SAMD12: variants seen among roughly 807,000 people sequenced by gnomAD.
SAMD12 encodes sterile alpha motif domain-containing protein 12.
SAMD12 carries 9 observed loss-of-function variants against 15.0 expected under a neutral mutation model. The ratio of observed to expected loss-of-function variants is 0.60; its 90% confidence interval spans 0.36 to 1.05. SAMD12 has a LOEUF of 1.05. Ranked by LOEUF, SAMD12 falls within the 50% of genes least tolerant of loss-of-function variation. The pLI is 0.01. For synonymous variants in SAMD12, 86 were observed against 90.1 expected (o/e 0.96, Z 0.25); for missense variants, 230 against 234.2 (o/e 0.98, Z 0.12).
chr8:118,554,204 A>C (rs544913341), intron 2 of SAMD12, among the ~76,000 whole-genome samples: 1 of 152,198 alleles, frequency 6.6e-6, no homozygotes, highest in African/African-American at 2.4e-5. Flanking sequence ...AAGGCCTATA[A>C]ATCAGGCTGC....
At chr8:118,369,166 G>T (rs144126669) in intron 4 of SAMD12, among the ~76,000 whole-genome samples, 172 of 152,310 alleles carry the variant, frequency 1.1e-3, no homozygotes, top group Non-Finnish European at 1.8e-3. Flanking sequence ...AGTATTATTA[G>T]TCTGAACAAA....
chr8:118,559,219 C>A (rs763023471), intron 2 of SAMD12, among the ~76,000 whole-genome samples: 6 of 151,998 alleles, frequency 3.9e-5, no homozygotes, highest in Admixed American at 6.6e-5. Flanking sequence ...TTTTTTCCCC[C>A]CTACCTAGAA....
chr8:118,308,991 T>TTTA (rs905074180), intron 4 of SAMD12, among the ~76,000 whole-genome samples: 1 of 152,026 alleles, frequency 6.6e-6, no homozygotes, highest in East Asian at 1.9e-4. Flanking sequence ...TCCTAAATCT[T>TTTA]TTATTATTAT....
chr8:118,595,095 C>T (rs967737283), intron 1 of SAMD12, among the ~76,000 whole-genome samples: 1 of 152,118 alleles, frequency 6.6e-6, no homozygotes, highest in Non-Finnish European at 1.5e-5. Flanking sequence ...AACACATATC[C>T]CATATCCCTC....
At chr8:118,557,240 T>A (rs1314618671) in intron 2 of SAMD12, among the ~76,000 whole-genome samples, 1 of 152,214 alleles carries the variant, frequency 6.6e-6, no homozygotes, top group Non-Finnish European at 1.5e-5. Context: ...ATAAGGCAGT[T>A]TTCCCTGCTC....
intron 4 of SAMD12, among the ~76,000 whole-genome samples, chr8:118,292,425 A>C (rs137972409): frequency 1.1e-3 from 172 of 150,732 alleles, no homozygotes; most frequent in Non-Finnish European, 1.4e-3. Flanking sequence ...TTCATAGAAA[A>C]AACAACAATA....
At chr8:118,133,539 C>T in the SAMD12 span, among the ~76,000 whole-genome samples, 1 of 152,170 alleles carries the variant, frequency 6.6e-6, no homozygotes, top group Non-Finnish European at 1.5e-5. Flanking sequence ...GGAGGCAACA[C>T]TCTCTTCATA....
intron 1 of SAMD12, among the ~76,000 whole-genome samples, chr8:118,613,687 G>C (rs62531941): frequency 6.6e-6 from 1 of 151,912 alleles, no homozygotes; most frequent in Non-Finnish European, 1.5e-5. Flanking sequence ...ATCTTAATTG[G>C]GCCATGGCAT....
chr8:118,366,029 A>G (rs1029698127), intron 4 of SAMD12, among the ~76,000 whole-genome samples: 5 of 152,188 alleles, frequency 3.3e-5, no homozygotes, highest in African/African-American at 1.2e-4. Context: ...TATAAGAACC[A>G]TATCTATCTT....
chr8:118,559,770 T>C (rs1438553636), intron 2 of SAMD12, among the ~76,000 whole-genome samples: 2 of 152,230 alleles, frequency 1.3e-5, no homozygotes, highest in African/African-American at 4.8e-5. Flanking sequence ...TGAATGGTTA[T>C]ACAAAATTAT....
At chr8:118,371,575 G>T (rs980393583) in intron 4 of SAMD12, among the ~76,000 whole-genome samples, 2 of 152,122 alleles carry the variant, frequency 1.3e-5, no homozygotes, top group African/African-American at 4.8e-5. Flanking sequence ...AGTCATGGAG[G>T]TATTAACCTT....
At chr8:118,210,174 T>C (rs575906734) in intron 4 of SAMD12, among the ~76,000 whole-genome samples, 1 of 152,230 alleles carries the variant, frequency 6.6e-6, no homozygotes, top group Non-Finnish European at 1.5e-5. Context: ...TAGCTAACAT[T>C]TGTGAAACCC....
chr8:118,211,157 C>A (rs1031148488), intron 4 of SAMD12, among the ~76,000 whole-genome samples: 2 of 152,156 alleles, frequency 1.3e-5, no homozygotes, highest in Admixed American at 6.5e-5. Context: ...TCTGCCCAAG[C>A]CTTATCCCCC....
chr8:118,309,378 A>ATATGTGTG (rs1554628141), intron 4 of SAMD12, among the ~76,000 whole-genome samples: 40 of 118,344 alleles, frequency 3.4e-4, no homozygotes, highest in Admixed American at 2.2e-3. Context: ...TTTGAGATAT[A>ATATGTGTG]TATGTGTGTG....
At chr8:118,346,512 C>T (rs1817664381) in intron 4 of SAMD12, among the ~76,000 whole-genome samples, 1 of 152,206 alleles carries the variant, frequency 6.6e-6, no homozygotes. Flanking sequence ...ATGTCTGCCT[C>T]TAACTTGTGG....
intron 3 of SAMD12, among the ~76,000 whole-genome samples, chr8:118,437,467 G>T (rs1002291610): frequency 2.0e-5 from 3 of 152,150 alleles, no homozygotes; most frequent in Non-Finnish European, 4.4e-5. Context: ...GTCCTGACAT[G>T]ACTAATAGCA....
chr8:118,383,984 A>G (rs974644119), intron 3 of SAMD12, among the ~76,000 whole-genome samples: 4 of 152,102 alleles, frequency 2.6e-5, no homozygotes, highest in Admixed American at 2.6e-4. Flanking sequence ...GATAGTCATA[A>G]GTGCTCTGAA....
intron 3 of SAMD12, among the ~76,000 whole-genome samples, chr8:118,401,577 T>A (rs540673888): frequency 6.6e-6 from 1 of 151,230 alleles, no homozygotes; most frequent in Non-Finnish European, 1.5e-5. Context: ...GGTCTCACTA[T>A]GTTTCCCTGG....
chr8:118,576,556 C>T (rs1827158630), intron 2 of SAMD12, among the ~76,000 whole-genome samples: 2 of 152,188 alleles, frequency 1.3e-5, no homozygotes, highest in Admixed American at 1.3e-4. Flanking sequence ...TTTATCCATA[C>T]TTCGCAGCAT....
Sources: gnomAD v4.1 joint callset for allele counts (sites outside exome capture counted in the v4.1 genomes callset) on GRCh38, gnomAD v4.1.1 for gene constraint, MANE v1.5 for transcripts, NCBI Gene and HGNC (gene_info 2026-07-23, HGNC 2026-07-21) for gene names.